Variants in TBCA observed in about 807,000 individuals in gnomAD.
TBCA encodes tubulin-specific chaperone A.
A neutral mutation model predicts 15.8 loss-of-function variants in TBCA; 6 were observed. The observed-to-expected ratio is 0.38, with a 90% confidence interval of 0.21 to 0.75. The LOEUF is 0.75. Among genes scored for constraint, TBCA ranks in the 30% least tolerant of loss-of-function variants. The pLI is 0.46. For synonymous variants in TBCA, 32 were observed against 42.3 expected, an observed-to-expected ratio of 0.76 and a Z score of 0.94; for missense variants, 90 against 131.2, an observed-to-expected ratio of 0.69 and a Z score of 1.53.
intron 2 of TBCA, among the ~76,000 whole-genome samples, chr5:77,700,285 A>G (rs187010497): frequency 6.6e-6 from 1 of 152,268 alleles, no homozygotes; most frequent in African/African-American, 2.4e-5. Flanking sequence ...TACAGACAGA[A>G]ATATCTGCAA....
chr5:77,697,254 T>C (rs1260358289), intron 2 of TBCA, among the ~76,000 whole-genome samples: 1 of 152,192 alleles, frequency 6.6e-6, no homozygotes, highest in Non-Finnish European at 1.5e-5. Flanking sequence ...TGTAACTGAC[T>C]TTTGTAGAAC....
chr5:77,704,149 G>A (rs1304035832), intron 2 of TBCA, among the ~76,000 whole-genome samples: 1 of 152,148 alleles, frequency 6.6e-6, no homozygotes, highest in Non-Finnish European at 1.5e-5. Flanking sequence ...ATAGCAGTAT[G>A]AAAATGGACT....
intron 1 of TBCA, among the ~76,000 whole-genome samples, chr5:77,744,482 T>C (rs984645035): frequency 2.7e-5 from 4 of 150,586 alleles, no homozygotes; most frequent in African/African-American, 9.8e-5. Context: ...ATTCTGTCCT[T>C]AACTACAGGA....
intron 1 of TBCA, among the ~76,000 whole-genome samples, chr5:77,771,580 G>C (rs1485311357): frequency 6.6e-6 from 1 of 152,166 alleles, no homozygotes; most frequent in East Asian, 1.9e-4. Context: ...CCTGAAACTT[G>C]TTTCTACTTT....
At chr5:77,719,340 A>G (rs1746476505) in intron 1 of TBCA, among the ~76,000 whole-genome samples, 1 of 152,226 alleles carries the variant, frequency 6.6e-6, no homozygotes, top group African/African-American at 2.4e-5. Flanking sequence ...ATCTGTTCCC[A>G]AGGTAAAATC....
intron 1 of TBCA, among the ~76,000 whole-genome samples, chr5:77,730,714 T>G (rs1746747820): frequency 6.6e-6 from 1 of 152,016 alleles, no homozygotes; most frequent in African/African-American, 2.4e-5. Flanking sequence ...CATCCATCCA[T>G]CCACCCACCT....
chr5:77,715,038 G>A (rs954644245), intron 1 of TBCA, among the ~76,000 whole-genome samples: 1 of 152,200 alleles, frequency 6.6e-6, no homozygotes, highest in Non-Finnish European at 1.5e-5. Flanking sequence ...AGAAAAAGCC[G>A]TGAAGGAGGA....
At chr5:77,703,902 T>C (rs1287430646) in intron 2 of TBCA, among the ~76,000 whole-genome samples, 1 of 151,044 alleles carries the variant, frequency 6.6e-6, no homozygotes, top group Non-Finnish European at 1.5e-5. Flanking sequence ...ATAGGGGCGG[T>C]TTCCTATATG....
chr5:77,756,021 C>A (rs896784321), intron 1 of TBCA, among the ~76,000 whole-genome samples: 23 of 151,434 alleles, frequency 1.5e-4, no homozygotes, highest in African/African-American at 4.1e-4. Flanking sequence ...ACAACAACAA[C>A]AAAAAAAAAA....
Position 77,755,986 on chromosome 5 carries a change from CAAGAGCGAAACTTTATCTCAA to C in TBCA, c.53+20198_53+20218del, listed in dbSNP as rs1228977723. ...ACCATTTGCATTCCAGCTGGGTCAA[CAAGAGCGAAACTTTATCTCAA>C]AAAACAACAACAACAAAAAAAAAAA... is the stretch of plus-strand genomic sequence containing the variant. On this transcript the variant is annotated intron_variant, in intron 1 of 3. Coordinates refer to ENST00000380377, the MANE Select transcript of TBCA (RefSeq NM_004607.3). Among the ~76,000 whole-genome samples, 12 of 152,234 alleles carry C rather than the reference CAAGAGCGAAACTTTATCTCAA, an allele frequency of 7.9e-5. No individual in the cohort carries two copies. In the South Asian group the frequency reaches 1.5e-3, roughly 18 times the overall value.
intron 1 of TBCA, among the ~76,000 whole-genome samples, chr5:77,735,718 G>A (rs577022679): frequency 6.6e-6 from 1 of 152,124 alleles, no homozygotes; most frequent in South Asian, 2.1e-4. Flanking sequence ...ATACAACTAA[G>A]AGCATTCAAG....
At chr5:77,753,631 T>C (rs1213340975) in intron 1 of TBCA, among the ~76,000 whole-genome samples, 1 of 152,218 alleles carries the variant, frequency 6.6e-6, no homozygotes, top group Non-Finnish European at 1.5e-5. Context: ...AACATCTTGC[T>C]TTGAGTAACT....
At chr5:77,705,754 G>A (rs2112435309) in intron 2 of TBCA, 4 of 392,418 alleles carry the variant, frequency 1.0e-5, no homozygotes, top group South Asian at 1.4e-4. Flanking sequence ...CTTGAACCCA[G>A]GAGTTTGAGG....
intron 1 of TBCA, among the ~76,000 whole-genome samples, chr5:77,773,982 T>C (rs1747966006): frequency 6.6e-6 from 1 of 152,102 alleles, no homozygotes; most frequent in South Asian, 2.1e-4. Context: ...AAAACAAAAT[T>C]CTAAGCTCCA....
intron 2 of TBCA, 73 bp from the exon 3 acceptor site, chr5:77,693,425 T>C: frequency 8.0e-6 from 12 of 1,491,690 alleles, no homozygotes; most frequent in Non-Finnish European, 1.1e-5. Flanking sequence ...TCTTGGTAAG[T>C]ATATCCTTAT....
intron 1 of TBCA, among the ~76,000 whole-genome samples, chr5:77,769,030 T>G (rs1039000169): frequency 1.1e-4 from 17 of 152,224 alleles, no homozygotes; most frequent in African/African-American, 3.6e-4. Flanking sequence ...AAATACCTTG[T>G]GTTGGGAAAA....
chr5:77,725,144 T>C (rs376557755), intron 1 of TBCA, among the ~76,000 whole-genome samples: 2 of 152,300 alleles, frequency 1.3e-5, no homozygotes, highest in South Asian at 2.1e-4. Flanking sequence ...AGCTCTAAAC[T>C]ACAGCCAGTT....
At chr5:77,727,511 A>G (rs776069514) in intron 1 of TBCA, among the ~76,000 whole-genome samples, 26 of 152,124 alleles carry the variant, frequency 1.7e-4, no homozygotes, top group Non-Finnish European at 2.8e-4. Context: ...TAAGAAGTAT[A>G]AACAGAAAAG....
chr5:77,727,945 G>A (rs1245718582), intron 1 of TBCA, among the ~76,000 whole-genome samples: 1 of 152,048 alleles, frequency 6.6e-6, no homozygotes, highest in Non-Finnish European at 1.5e-5. Context: ...TAGTTAATCA[G>A]GTCAAGCTTC....
Sources: allele counts gnomAD v4.1 joint callset (sites outside exome capture counted in the v4.1 genomes callset), GRCh38; gene constraint gnomAD v4.1.1; transcripts MANE v1.5; gene names NCBI Gene and HGNC (gene_info 2026-07-23, HGNC 2026-07-21).